LRRC4C: variants seen among roughly 807,000 people sequenced by gnomAD.
The protein encoded by LRRC4C is leucine-rich repeat-containing protein 4C.
In LRRC4C, 5 loss-of-function variants were observed where a neutral mutation model predicts 33.6. That is an observed-to-expected ratio of 0.15 (90% CI 0.08 to 0.31). LRRC4C has a LOEUF of 0.31. Ranked by LOEUF, LRRC4C falls within the 10% of genes least tolerant of loss-of-function variation. LRRC4C has a pLI of 1.00. For synonymous variants in LRRC4C, 329 were observed against 302.0 expected (o/e 1.09, Z -0.93); for missense variants, 560 against 796.7 (o/e 0.70, Z 3.58).
At chr11:40,367,949 C>T (rs1241174296) in intron 3 of LRRC4C, among the ~76,000 whole-genome samples, 1 of 152,076 alleles carries the variant, frequency 6.6e-6, no homozygotes, top group African/African-American at 2.4e-5. Context: ...AAGACATCAA[C>T]AAAGATCCAA....
intron 1 of LRRC4C, among the ~76,000 whole-genome samples, chr11:41,125,987 T>G (rs1942717790): frequency 6.6e-6 from 1 of 151,992 alleles, no homozygotes; most frequent in African/African-American, 2.4e-5. Context: ...GAGAAGACTT[T>G]AAAGAAAATG....
intron 3 of LRRC4C, among the ~76,000 whole-genome samples, chr11:40,377,379 G>A (rs1014753794): frequency 6.6e-6 from 1 of 152,080 alleles, no homozygotes. Flanking sequence ...AGCACTTTCT[G>A]AGCTGTTGAT....
At chr11:40,125,288 A>T (rs1274345723) in intron 6 of LRRC4C, among the ~76,000 whole-genome samples, 5 of 152,196 alleles carry the variant, frequency 3.3e-5, no homozygotes, top group Admixed American at 2.0e-4. Flanking sequence ...CGTTGAGGGT[A>T]AAAGATGCCT....
intron 3 of LRRC4C, among the ~76,000 whole-genome samples, chr11:40,363,012 C>G (rs1418618872): frequency 6.6e-6 from 1 of 152,012 alleles, no homozygotes; most frequent in Non-Finnish European, 1.5e-5. Context: ...GTAGTGATGC[C>G]TCAAAGAAAG....
At chr11:41,090,027 C>T (rs550157936) in intron 1 of LRRC4C, among the ~76,000 whole-genome samples, 2 of 151,726 alleles carry the variant, frequency 1.3e-5, no homozygotes, top group South Asian at 4.2e-4. Context: ...AAAAAAAATT[C>T]ATGGAAAGAC....
chr11:40,778,529 A>C (rs915506396), intron 2 of LRRC4C, among the ~76,000 whole-genome samples: 5 of 152,184 alleles, frequency 3.3e-5, no homozygotes, highest in Admixed American at 6.5e-5. Flanking sequence ...ACTTTAATGA[A>C]AAAACAATAA....
intron 1 of LRRC4C, among the ~76,000 whole-genome samples, chr11:41,341,363 C>T (rs1461923205): frequency 6.6e-6 from 1 of 152,150 alleles, no homozygotes; most frequent in Non-Finnish European, 1.5e-5. Flanking sequence ...TATCATCATT[C>T]TCTGGGCGAG....
At chr11:41,340,913 T>C (rs1241014799) in intron 1 of LRRC4C, among the ~76,000 whole-genome samples, 1 of 152,206 alleles carries the variant, frequency 6.6e-6, no homozygotes, top group African/African-American at 2.4e-5. Flanking sequence ...TCATTGTGGT[T>C]GAGGATTCCA....
intron 6 of LRRC4C, among the ~76,000 whole-genome samples, chr11:40,131,293 C>T (rs1856627453): frequency 6.6e-6 from 1 of 152,060 alleles, no homozygotes; most frequent in African/African-American, 2.4e-5. Flanking sequence ...AAAGAGAGGG[C>T]TCAATAATTA....
chr11:40,291,507 C>A (rs2136569500), intron 4 of LRRC4C, among the ~76,000 whole-genome samples: 1 of 152,272 alleles, frequency 6.6e-6, no homozygotes, highest in South Asian at 2.1e-4. Flanking sequence ...CCAAAGAAGT[C>A]CTCAGTTAGA....
At chr11:40,354,895 C>T (rs549021810) in intron 3 of LRRC4C, among the ~76,000 whole-genome samples, 43 of 152,234 alleles carry the variant, frequency 2.8e-4, no homozygotes, top group African/African-American at 1.0e-3. Flanking sequence ...CTCCTTTCTG[C>T]AAGCAGAAGG....
chr11:41,260,839 A>T (rs907861699), intron 1 of LRRC4C, among the ~76,000 whole-genome samples: 1 of 152,040 alleles, frequency 6.6e-6, no homozygotes, highest in Admixed American at 6.6e-5. Flanking sequence ...CAGGTACCTA[A>T]AAGTTTCAAT....
intron 5 of LRRC4C, among the ~76,000 whole-genome samples, chr11:40,206,119 G>A (rs1863126467): frequency 6.6e-6 from 1 of 152,026 alleles, no homozygotes; most frequent in Non-Finnish European, 1.5e-5. Flanking sequence ...GCAGTATAGT[G>A]CCTAACACAT....
At chr11:40,669,449 A>G (rs1175527610) in intron 2 of LRRC4C, among the ~76,000 whole-genome samples, 1 of 152,198 alleles carries the variant, frequency 6.6e-6, no homozygotes, top group African/African-American at 2.4e-5. Flanking sequence ...TAGACAGCTG[A>G]TGTTTCAAAT....
At chr11:41,160,503 T>G in intron 1 of LRRC4C, among the ~76,000 whole-genome samples, 3 of 152,290 alleles carry the variant, frequency 2.0e-5, no homozygotes, top group Middle Eastern at 3.4e-3. Context: ...TTGAAAATTT[T>G]GTCCTGAACA....
At chr11:41,415,838 T>C (rs1341784469) in intron 1 of LRRC4C, among the ~76,000 whole-genome samples, 1 of 152,134 alleles carries the variant, frequency 6.6e-6, no homozygotes, top group East Asian at 1.9e-4. Context: ...AGCTAACTCT[T>C]GGATCAGAGG....
At chr11:41,036,002 C>G (rs1857040939) in intron 1 of LRRC4C, among the ~76,000 whole-genome samples, 1 of 151,914 alleles carries the variant, frequency 6.6e-6, no homozygotes, top group Non-Finnish European at 1.5e-5. Flanking sequence ...TGTAACTATA[C>G]AAACTCCTTG....
chr11:40,545,626 G>A (rs767349520), intron 3 of LRRC4C, among the ~76,000 whole-genome samples: 8 of 151,906 alleles, frequency 5.3e-5, no homozygotes, highest in Non-Finnish European at 1.2e-4. Context: ...TGTTAGATAA[G>A]TTAAAGCACA....
At chr11:41,143,828 A>G (rs911057498) in intron 1 of LRRC4C, among the ~76,000 whole-genome samples, 2 of 152,172 alleles carry the variant, frequency 1.3e-5, no homozygotes, top group African/African-American at 4.8e-5. Flanking sequence ...ATTGAGAGGC[A>G]AGACTGCTTT....
Sources: allele counts gnomAD v4.1 joint callset (sites outside exome capture counted in the v4.1 genomes callset), GRCh38; gene constraint gnomAD v4.1.1; transcripts MANE v1.5; gene names NCBI Gene and HGNC (gene_info 2026-07-23, HGNC 2026-07-21).